Variants in C19orf53 observed in about 807,000 individuals in gnomAD.
C19orf53 encodes chromosome 19 open reading frame 53.
C19orf53 carries 9 observed loss-of-function variants against 6.5 expected under a neutral mutation model. That is an observed-to-expected ratio of 1.38 (90% CI 0.83 to 2.40). The LOEUF (loss-of-function observed/expected upper bound fraction) is 2.40, where lower values mean the gene tolerates loss of function less well. C19orf53 is among the 30% of genes most tolerant of loss of function. C19orf53 has a pLI of 0.00. For synonymous variants in C19orf53, 68 were observed against 52.5 expected (o/e 1.29, Z -1.27); for missense variants, 166 against 129.7 (o/e 1.28, Z -1.36).
chr19:13,774,761 A>C, intron 2 of C19orf53, 54 bp downstream of exon 2: 3 of 1,550,520 alleles, frequency 1.9e-6, no homozygotes, highest in Non-Finnish European at 1.7e-6. Context: ...GAGGGGTGGA[A>C]CCCGGAGGAC....
At position 13,778,301 on chromosome 19, in the gene C19orf53, C is replaced by G. The variant is rs1974390755; in HGVS notation, c.*103C>G. ...ACTGTCAGGAAGAGGACCCTGTCCC[C>G]CAGCACTGGGCTTCACCTAGAACTT... On this transcript the variant is annotated 3_prime_UTR_variant, in exon 3 of 3. Transcript: ENST00000588234. 1.5e-6 allele frequency: 2 copies of G among 1,367,314 alleles called. No homozygotes were observed. Among genetic ancestry groups the G allele is most frequent in the Non-Finnish European group, 1.9e-6 (2 of 1,037,172 alleles). The allele number at this position is 1,367,314 out of a possible 1,614,324, so 84.7% of individuals were successfully genotyped here. A position where few individuals can be genotyped will look rare whatever the true frequency, so the allele number is the denominator to read the frequency against.
chr19:13,776,600 G>T (rs1974374317), intron 2 of C19orf53, among the ~76,000 whole-genome samples: 3 of 152,018 alleles, frequency 2.0e-5, no homozygotes, highest in Admixed American at 1.3e-4. Context: ...AGCCTTACTG[G>T]CCCCTGACCC....
intron 2 of C19orf53, 125 bp from the exon 3 acceptor site, chr19:13,777,927 A>C: frequency 8.3e-7 from 1 of 1,200,572 alleles, no homozygotes; most frequent in Middle Eastern, 3.0e-4. Context: ...ACCCACAGTC[A>C]GGTGCGGTTC....
At position 13,778,070 on chromosome 19, in the gene C19orf53, C is replaced by T. The variant is rs748624032; in HGVS notation, c.172C>T (p.Arg58Trp). 1.5e-5 allele frequency: 24 copies of T among 1,611,348 alleles called. No homozygotes were observed. The East Asian group carries it at 4.5e-4, about 30-fold the overall frequency. Residue 58 changes from arginine (R) to tryptophan (W), a missense_variant, in exon 3 of 3, where the codon CGG becomes TGG. Transcript: ENST00000588234. Reference protein sequence around the residue: ...KLKKNLEVGIRKKIEHDVVMK... With the variant: ...KLKKNLEVGIWKKIEHDVVMK... ...CCCTCAGAACCTAGAAGTCGGAATC[C>T]GGAAGAAGATCGAACATGACGTGGT... is the stretch of plus-strand genomic sequence containing the variant.
chr19:13,776,124 ATTTTTTTTTTTTT>A (rs57201742), intron 2 of C19orf53, among the ~76,000 whole-genome samples: 5 of 84,916 alleles, frequency 5.9e-5, no homozygotes, highest in African/African-American at 9.2e-5. Context: ...CACCGGGCTA[ATTTTTTTTTTTTT>A]TTTTTTTTTT....
chr19:13,777,959 G>T, intron 2 of C19orf53, 93 bp from the exon 3 acceptor site: 1 of 1,476,432 alleles, frequency 6.8e-7, no homozygotes. Flanking sequence ...TGCTGATCTA[G>T]CCCCCTGCGA....
intron 2 of C19orf53, chr19:13,774,967 C>G (rs1428019744): frequency 3.6e-6 from 2 of 556,174 alleles, no homozygotes; most frequent in Non-Finnish European, 6.3e-6. Flanking sequence ...GAGATGAAAT[C>G]TGGAGGCCGG....
chr19:13,776,620 G>A (rs1001926366), intron 2 of C19orf53, among the ~76,000 whole-genome samples: 10 of 151,868 alleles, frequency 6.6e-5, no homozygotes, highest in Admixed American at 4.6e-4. Flanking sequence ...CCTCCTTCCC[G>A]GAGCCCTTCC....
chr19:13,774,519 A>T lies in C19orf53; in HGVS notation c.42A>T (p.Ala14=), dbSNP rs776512395. The part of the protein sequence containing the change: ...GQRKFQAHKP[A]KSKTAAAASE... ...GCAAGTTTCAGGCGCACAAACCCGC[A>T]AAGAGTAAGACGGCAGCGGCAGCCT... Residue 14 remains alanine, a synonymous_variant, in exon 1 of 3, where the codon GCA becomes GCT. Coordinates refer to ENST00000588234, the MANE Select transcript of C19orf53 (RefSeq NM_014047.3). 3.1e-6 allele frequency: 5 copies of T among 1,613,584 alleles called. No individual in the cohort carries two copies. The highest frequency in any genetic ancestry group is 4.2e-6 in the Non-Finnish European group (5 of 1,179,784).
intron 2 of C19orf53, among the ~76,000 whole-genome samples, chr19:13,776,713 C>G (rs993512926): frequency 6.6e-6 from 1 of 152,170 alleles, no homozygotes; most frequent in Non-Finnish European, 1.5e-5. Flanking sequence ...ACACTGCTCC[C>G]TTCTTCCAAC....
intron 2 of C19orf53, 91 bp from the exon 3 acceptor site, chr19:13,777,961 C>T (rs1200680903): frequency 9.4e-6 from 14 of 1,487,428 alleles, no homozygotes; most frequent in African/African-American, 5.6e-5. Context: ...CTGATCTAGC[C>T]CCCTGCGAGC....
In C19orf53 at chr19:13,778,360, T is replaced by C. The variant is rs114060822; in HGVS notation, c.*162T>C. The C allele has an allele frequency of 1.8e-3, 1,471 of 830,810 alleles. 21 individuals carry two copies. In the African/African-American group the frequency reaches 0.024, roughly 14 times the overall value. 51.5% of individuals were successfully genotyped at this position (830,810 alleles called of 1,614,324 possible). On this transcript the variant is annotated 3_prime_UTR_variant, in exon 3 of 3. Coordinates refer to ENST00000588234, the MANE Select transcript of C19orf53 (RefSeq NM_014047.3). ...GCCAAGGGTGCTGAGAACCCAGCAA[T>C]GACCAGGAAGATACAGTCACTAACT...
Position 13,778,233 on chromosome 19 carries a change from C to A in C19orf53, c.*35C>A. On this transcript the variant is annotated 3_prime_UTR_variant, in exon 3 of 3. Transcript: ENST00000588234. Reference sequence around the variant, plus strand: ...CCCCAGTGCAGGCCAACATCCCACCCCCTACCTCCATATGGGACCTTGCAA... The same window carrying A: ...CCCCAGTGCAGGCCAACATCCCACCACCTACCTCCATATGGGACCTTGCAA... 1 of 1,540,492 alleles carries A rather than the reference C, an allele frequency of 6.5e-7. No homozygotes were observed. The highest frequency in any genetic ancestry group is 8.8e-7 in the Non-Finnish European group (1 of 1,140,218).
intron 2 of C19orf53, 181 bp downstream of exon 2, chr19:13,774,888 C>T (rs1171467818): frequency 6.3e-6 from 5 of 792,486 alleles, no homozygotes; most frequent in African/African-American, 1.8e-5. Flanking sequence ...GGATGGAGCC[C>T]GGGGCGCAGA....
At chr19:13,776,896 A>G (rs1974377052) in intron 2 of C19orf53, among the ~76,000 whole-genome samples, 1 of 152,214 alleles carries the variant, frequency 6.6e-6, no homozygotes, top group South Asian at 2.1e-4. Context: ...CCCTGCATCC[A>G]GGCACCTGGT....
At chr19:13,777,616 C>T (rs910971127) in intron 2 of C19orf53, among the ~76,000 whole-genome samples, 1 of 151,530 alleles carries the variant, frequency 6.6e-6, no homozygotes, top group Non-Finnish European at 1.5e-5. Flanking sequence ...TTGCCCCACG[C>T]TTGTGCCTTA....
At chr19:13,775,614 G>A (rs1974362013) in intron 2 of C19orf53, 1 of 152,102 alleles carries the variant, frequency 6.6e-6, no homozygotes, top group Admixed American at 6.6e-5. Context: ...ATGTAGATGG[G>A]TAAGGTTGAG....
intron 2 of C19orf53, among the ~76,000 whole-genome samples, chr19:13,776,112 C>G (rs959057661): frequency 6.7e-6 from 1 of 149,716 alleles, no homozygotes; most frequent in African/African-American, 2.5e-5. Flanking sequence ...CCTGCACCAC[C>G]ACACCGGGCT....
At position 13,774,698 on chromosome 19, in the gene C19orf53, G is replaced by A; in HGVS notation, c.144G>A (p.Lys48=). 6.2e-7 allele frequency: 1 copy of A among 1,606,096 alleles called. No individual in the cohort carries two copies. The highest frequency in any genetic ancestry group is 8.5e-7 in the Non-Finnish European group (1 of 1,173,614). ...AGGCGCGCGTCGTGCAGCAGCAAAAGCTCAAGAAGGTGTGCGGGGGCGAGA... is the reference window on the plus strand; with the variant it reads ...AGGCGCGCGTCGTGCAGCAGCAAAAACTCAAGAAGGTGTGCGGGGGCGAGA... ...PKKARVVQQQ[K]LKKNLEVGIR... The change falls in exon 2 of 3, where the codon AAG becomes AAA. Residue 48 remains lysine, a synonymous_variant. Transcript: ENST00000588234.
Sources: allele counts gnomAD v4.1 joint callset (sites outside exome capture counted in the v4.1 genomes callset), GRCh38; gene constraint gnomAD v4.1.1; transcripts MANE v1.5; gene names NCBI Gene and HGNC (gene_info 2026-07-23, HGNC 2026-07-21).